JAM3: variants seen among roughly 807,000 people sequenced by gnomAD.
JAM3 encodes junctional adhesion molecule C.
In JAM3, 31 loss-of-function variants were observed where a neutral mutation model predicts 39.4. The ratio of observed to expected loss-of-function variants is 0.79; its 90% CI spans 0.59 to 1.06. The LOEUF is 1.06. JAM3 is among the 50% of genes least tolerant of loss of function. The pLI is 0.00. For missense variants in JAM3, 455 were observed against 391.4 expected (o/e 1.16, Z -1.37); for synonymous variants, 182 against 148.7 (o/e 1.22, Z -1.63).
chr11:134,081,888 C>T (rs1941671870), intron 1 of JAM3, among the ~76,000 whole-genome samples: 1 of 152,232 alleles, frequency 6.6e-6, no homozygotes, highest in South Asian at 2.1e-4. Context: ...AGGCTGTATC[C>T]TGCAAAAACC....
At chr11:134,149,026 G>A (rs1028455030) in intron 8 of JAM3, 120 bp from the exon 9 acceptor site, 94 of 1,244,952 alleles carry the variant, frequency 7.6e-5, no homozygotes, top group Non-Finnish European at 1.1e-4. Flanking sequence ...AAGCGCTAGT[G>A]ATGGTACTTT....
chr11:134,072,661 C>T (rs1383754537), intron 1 of JAM3, among the ~76,000 whole-genome samples: 4 of 152,088 alleles, frequency 2.6e-5, no homozygotes, highest in Admixed American at 2.6e-4. Flanking sequence ...TGGCTCACGC[C>T]AGCACTTTGG....
At chr11:134,119,600 G>A (rs1490927434) in intron 1 of JAM3, among the ~76,000 whole-genome samples, 1 of 152,188 alleles carries the variant, frequency 6.6e-6, no homozygotes, top group Non-Finnish European at 1.5e-5. Flanking sequence ...GGAGACCCAG[G>A]AGAGTCGACG....
At chr11:134,106,520 C>A (rs1324757839) in intron 1 of JAM3, among the ~76,000 whole-genome samples, 1 of 152,158 alleles carries the variant, frequency 6.6e-6, no homozygotes, top group Non-Finnish European at 1.5e-5. Context: ...AGAGCTTCTG[C>A]ACAGCAAAAG....
intron 1 of JAM3, among the ~76,000 whole-genome samples, chr11:134,131,241 CG>C (rs1175138805): frequency 4.5e-4 from 14 of 30,876 alleles, no homozygotes; most frequent in African/African-American, 1.6e-3. Context: ...TTTGGGGGGG[CG>C]GGGGGGTGGT....
chr11:134,078,562 T>G (rs1178115912), intron 1 of JAM3, among the ~76,000 whole-genome samples: 1 of 152,244 alleles, frequency 6.6e-6, no homozygotes, highest in Non-Finnish European at 1.5e-5. Context: ...ATAAAAACTA[T>G]GACTTATGTG....
intron 1 of JAM3, among the ~76,000 whole-genome samples, chr11:134,075,940 C>G (rs1412742771): frequency 6.6e-6 from 1 of 152,072 alleles, no homozygotes; most frequent in Non-Finnish European, 1.5e-5. Flanking sequence ...ATGTTCTTGT[C>G]TCTCTGTGCT....
At chr11:134,127,516 T>C (rs966803524) in intron 1 of JAM3, among the ~76,000 whole-genome samples, 16 of 152,098 alleles carry the variant, frequency 1.1e-4, no homozygotes, top group Non-Finnish European at 2.9e-5. Context: ...CTGGCCAACA[T>C]GGTGAAACCC....
At chr11:134,104,343 G>C (rs1379676650) in intron 1 of JAM3, among the ~76,000 whole-genome samples, 2 of 152,136 alleles carry the variant, frequency 1.3e-5, no homozygotes, top group African/African-American at 2.4e-5. Flanking sequence ...GAATCTCTGG[G>C]ACACATTTAA....
chr11:134,111,440 A>G (rs1257906916), intron 1 of JAM3, among the ~76,000 whole-genome samples: 1 of 152,096 alleles, frequency 6.6e-6, no homozygotes, highest in Non-Finnish European at 1.5e-5. Flanking sequence ...ACCAGTGAAA[A>G]TCAAGGCATT....
At chr11:134,103,191 G>C (rs1488098447) in intron 1 of JAM3, among the ~76,000 whole-genome samples, 1 of 152,196 alleles carries the variant, frequency 6.6e-6, no homozygotes, top group Non-Finnish European at 1.5e-5. Context: ...AACCAGAAGA[G>C]AGTGGGGGCC....
Position 134,116,050 on chromosome 11 carries a change from C to T in JAM3, c.77-23801C>T, listed in dbSNP as rs527412549. ...TTAGGTGGTGTCTACAAGGTTTCTC[C>T]ACTGTAAAGTTAGTATGTTTCTTTT... On this transcript the variant is annotated intron_variant, in intron 1 of 8. Transcript: ENST00000299106. 2.0e-5 allele frequency among the ~76,000 whole-genome samples: 3 copies of T among 152,278 alleles called. No homozygotes were observed. In the East Asian group the frequency reaches 5.8e-4, roughly 29 times the overall value.
At chr11:134,071,004 T>C (rs1591764712) in intron 1 of JAM3, among the ~76,000 whole-genome samples, 1 of 152,234 alleles carries the variant, frequency 6.6e-6, no homozygotes, top group African/African-American at 2.4e-5. Flanking sequence ...GTAGGGGCTC[T>C]TTTTCCATTA....
At chr11:134,088,161 G>A (rs1022073447) in intron 1 of JAM3, among the ~76,000 whole-genome samples, 2 of 152,074 alleles carry the variant, frequency 1.3e-5, no homozygotes, top group African/African-American at 4.8e-5. Context: ...TTAATATACT[G>A]CCAACCCATT....
At chr11:134,102,742 T>G (rs1326194639) in intron 1 of JAM3, among the ~76,000 whole-genome samples, 2 of 152,072 alleles carry the variant, frequency 1.3e-5, no homozygotes, top group Admixed American at 1.3e-4. Context: ...GCTGATTCAA[T>G]CAACTGGAAG....
chr11:134,134,560 C>T (rs1942829406), intron 1 of JAM3, among the ~76,000 whole-genome samples: 2 of 152,092 alleles, frequency 1.3e-5, no homozygotes, highest in Admixed American at 6.5e-5. Flanking sequence ...TATAGTAATT[C>T]TGTGTTTAAC....
At position 134,140,218 on chromosome 11, in the gene JAM3, A is replaced by G. The variant is rs36109467; in HGVS notation, c.142+302A>G. Among the ~76,000 whole-genome samples, 279 of 152,188 alleles carry G rather than the reference A, an allele frequency of 1.8e-3. 1 individual carries two copies. Among genetic ancestry groups the G allele is most frequent in the Non-Finnish European group, 3.5e-3 (239 of 68,022 alleles). Reference sequence around the variant, plus strand: ...GCCCAGGCTGGAGTGTAGTGGCGCAATCTTGGCTCACTGCAGCCTCTGCCT... The same window carrying G: ...GCCCAGGCTGGAGTGTAGTGGCGCAGTCTTGGCTCACTGCAGCCTCTGCCT... On this transcript the variant is annotated intron_variant, in intron 2 of 8. Coordinates refer to ENST00000299106, the MANE Select transcript of JAM3 (RefSeq NM_032801.5).
At chr11:134,101,720 T>C (rs1012138808) in intron 1 of JAM3, among the ~76,000 whole-genome samples, 2 of 152,198 alleles carry the variant, frequency 1.3e-5, no homozygotes, top group Non-Finnish European at 2.9e-5. Context: ...TTATTTATTC[T>C]TTTTCCTCCA....
chr11:134,091,520 G>GATGGATA (rs1565485017), intron 1 of JAM3, among the ~76,000 whole-genome samples: 1 of 150,724 alleles, frequency 6.6e-6, no homozygotes, highest in Non-Finnish European at 1.5e-5. Flanking sequence ...ATAGATAGAT[G>GATGGATA]GATAGATAGA....
Sources: gnomAD v4.1 joint callset for allele counts (sites outside exome capture counted in the v4.1 genomes callset) on GRCh38, gnomAD v4.1.1 for gene constraint, MANE v1.5 for transcripts, NCBI Gene and HGNC (gene_info 2026-07-23, HGNC 2026-07-21) for gene names.